The following ZZEF1 variants were observed in gnomAD, a reference collection of about 807,000 sequenced individuals.
ZZEF1 encodes zinc finger ZZ-type and EF-hand domain containing 1.
In ZZEF1, 157 loss-of-function variants were observed where a neutral mutation model predicts 342.8. That is an observed-to-expected ratio of 0.46 (90% CI 0.40 to 0.52). The LOEUF (loss-of-function observed/expected upper bound fraction) is 0.52. Ranked by LOEUF, ZZEF1 falls within the 20% of genes least tolerant of loss-of-function variation. The pLI, the probability that ZZEF1 is intolerant of heterozygous loss-of-function variation, is 0.00. For missense variants in ZZEF1, 3,480 were observed against 3,725.6 expected (o/e 0.93, Z 1.72); for synonymous variants, 1,505 against 1,429.1 (o/e 1.05, Z -1.20).
At chr17:4,069,691 C>T (rs913529092) in intron 26 of ZZEF1, among the ~76,000 whole-genome samples, 3 of 152,004 alleles carry the variant, frequency 2.0e-5, no homozygotes, top group African/African-American at 7.3e-5. Flanking sequence ...ATTAGCCGGG[C>T]GTGTTGATGG....
At chr17:4,024,348 C>T (rs1245042174) in intron 43 of ZZEF1, among the ~76,000 whole-genome samples, 1 of 151,960 alleles carries the variant, frequency 6.6e-6, no homozygotes, top group Non-Finnish European at 1.5e-5. Context: ...CAGGCACGTA[C>T]CACCACACCT....
chr17:4,030,796 T>TAA (rs973311132), intron 42 of ZZEF1, among the ~76,000 whole-genome samples: 3 of 152,186 alleles, frequency 2.0e-5, no homozygotes, highest in African/African-American at 7.2e-5. Flanking sequence ...TTCTAAAACT[T>TAA]ACACAAAAAG....
chr17:4,037,931 C>T (rs192170565), intron 39 of ZZEF1, among the ~76,000 whole-genome samples: 2 of 152,150 alleles, frequency 1.3e-5, no homozygotes, highest in Non-Finnish European at 2.9e-5. Flanking sequence ...TTGGAGCAAA[C>T]TAGTGAAACT....
intron 11 of ZZEF1, among the ~76,000 whole-genome samples, chr17:4,092,091 T>A (rs545555483): frequency 1.1e-4 from 16 of 139,656 alleles, no homozygotes; most frequent in South Asian, 4.6e-4. Context: ...AAAAAAAAAA[T>A]AATAAAAATA....
At chr17:4,136,429 A>C (rs2058750587) in intron 1 of ZZEF1, among the ~76,000 whole-genome samples, 1 of 152,040 alleles carries the variant, frequency 6.6e-6, no homozygotes, top group South Asian at 2.1e-4. Context: ...GCCAATTACA[A>C]CACTTATTGA....
At chr17:4,010,950 G>A (rs1210058091) in intron 52 of ZZEF1, among the ~76,000 whole-genome samples, 2 of 151,896 alleles carry the variant, frequency 1.3e-5, no homozygotes, top group Admixed American at 6.6e-5. Context: ...TAAGACAAGC[G>A]TGGTGGCTCA....
chr17:4,039,846 G>A lies in ZZEF1; in HGVS notation c.6306+2583C>T, dbSNP rs995619347. 4.0e-5 allele frequency among the ~76,000 whole-genome samples: 6 copies of A among 151,876 alleles called. No homozygotes were observed. In the South Asian group the frequency reaches 6.2e-4, roughly 16 times the overall value. On this transcript the variant is annotated intron_variant, in intron 39 of 54. Coordinates refer to ENST00000381638, the MANE Select transcript of ZZEF1 (RefSeq NM_015113.4). ...TTTTTAGTTGAGATGGGGTTTCACT[G>A]TGTTAGCCAGGATGGTCTCGATCTC...
chr17:4,018,423 TCTC>T (rs897134588), intron 46 of ZZEF1, among the ~76,000 whole-genome samples: 3 of 151,752 alleles, frequency 2.0e-5, no homozygotes, highest in African/African-American at 7.3e-5. Context: ...ACTCCCCTTC[TCTC>T]CTTTTTTTTT....
At position 4,034,032 on chromosome 17, in the gene ZZEF1, T is replaced by A; in HGVS notation, c.6567A>T (p.Gly2189=). ...AAGGCTACCTGTCCAGACACACAGC[T>A]CCCAGGCTAAAGAGCAGGTGGGTGG... is the stretch of plus-strand genomic sequence containing the variant. ...WKTTHLLFSL[G]AVCLDSRVGL... The change falls in exon 40 of 55, where the codon GGA becomes GGT. Residue 2189 remains glycine (G), a synonymous_variant. Coordinates refer to ENST00000381638, the MANE Select transcript of ZZEF1 (RefSeq NM_015113.4). The A allele has an allele frequency of 6.2e-7, 1 of 1,614,058 alleles. No homozygotes were observed. Among genetic ancestry groups the A allele is most frequent in the Non-Finnish European group, 8.5e-7 (1 of 1,180,018 alleles).
chr17:4,078,126 T>G (rs1347405012), intron 18 of ZZEF1, 84 bp from the exon 19 acceptor site: 5 of 1,403,810 alleles, frequency 3.6e-6, no homozygotes, highest in Non-Finnish European at 4.8e-6. Flanking sequence ...AAGCAGCAGC[T>G]GTCACCAGCA....
At chr17:4,066,845 GA>G (rs1317525532) in intron 27 of ZZEF1, among the ~76,000 whole-genome samples, 3 of 62,778 alleles carry the variant, frequency 4.8e-5, no homozygotes, top group African/African-American at 4.4e-4. Flanking sequence ...TTTCAGAGGG[GA>G]CATCTCTACG....
Position 4,014,629 on chromosome 17 carries a change from A to T in ZZEF1, c.8146-114T>A, listed in dbSNP as rs778610461. 3.4e-4 allele frequency: 375 copies of T among 1,110,860 alleles called. No individual in the cohort carries two copies. Among genetic ancestry groups the T allele is most frequent in the Non-Finnish European group, 4.7e-4 (355 of 748,348 alleles). 68.8% of individuals were successfully genotyped at this position (1,110,860 alleles called of 1,614,324 possible). On this transcript the variant is annotated intron_variant, in intron 49 of 54. Coordinates refer to ENST00000381638, the MANE Select transcript of ZZEF1 (RefSeq NM_015113.4). The surrounding 1 kb of genome is among the most constrained non-coding windows in gnomAD (Gnocchi z 4.4). ...CCGGGTGTGTGAGAATGAGTGAACC[A>T]CAGCCCTGGCCTCCAGGAGTGCAGA...
intron 26 of ZZEF1, among the ~76,000 whole-genome samples, chr17:4,067,638 A>G (rs2057426299): frequency 6.6e-6 from 1 of 152,218 alleles, no homozygotes; most frequent in Admixed American, 6.5e-5. Flanking sequence ...AAATAAAATG[A>G]TCTTATTTAA....
Position 4,088,878 on chromosome 17 carries a change from A to G in ZZEF1, c.2041T>C (p.Phe681Leu). ...GCTGACTCCTGACGGGTGCAGAGGA[A>G]CTTCACCATCAAATACTGGACAGGA... ...CRVAKYLMVK[F>L]LCTRQESAER... Residue 681 changes from phenylalanine to leucine, a missense_variant, in exon 13 of 55, where the codon TTC becomes CTC. By Grantham distance (22) the Phe-to-Leu change is conservative. Transcript: ENST00000381638. The G allele has an allele frequency of 6.2e-7, 1 of 1,614,100 alleles. No homozygotes were observed. The highest frequency in any genetic ancestry group is 8.5e-7 in the Non-Finnish European group (1 of 1,180,016).
At position 4,008,738 on chromosome 17, in the gene ZZEF1, G is replaced by A; in HGVS notation, c.8805+145C>T. 1 of 1,423,756 alleles carries A rather than the reference G, an allele frequency of 7.0e-7. No individual in the cohort carries two copies. The highest frequency in any genetic ancestry group is 2.7e-5 in the Admixed American group (1 of 36,824). The allele number at this position is 1,423,756 out of a possible 1,614,324, so 88.2% of individuals were successfully genotyped here. The stretch of plus-strand genomic sequence containing the variant: ...CATGCTCTCTGAGCACCAGGAGGAA[G>A]TGACTGAACTGGAACAAGCTCTGTG... On this transcript the variant is annotated intron_variant, in intron 54 of 54. Coordinates refer to ENST00000381638, the MANE Select transcript of ZZEF1 (RefSeq NM_015113.4). This position sits in a 1 kb window ranked among gnomAD's most constrained non-coding sequence, Gnocchi z 4.2.
chr17:4,072,129 C>T (rs1050002746), intron 25 of ZZEF1, among the ~76,000 whole-genome samples: 4 of 151,384 alleles, frequency 2.6e-5, no homozygotes, highest in African/African-American at 7.3e-5. Context: ...TACTGAATAA[C>T]GTGGGGCAGG....
intron 52 of ZZEF1, among the ~76,000 whole-genome samples, chr17:4,012,879 C>T (rs1436105307): frequency 6.6e-6 from 1 of 151,758 alleles, no homozygotes; most frequent in East Asian, 1.9e-4. Context: ...CATTAAATAC[C>T]TAGTAATAAA....
chr17:4,024,196 T>TG (rs1567770252), intron 43 of ZZEF1, among the ~76,000 whole-genome samples: 11 of 123,830 alleles, frequency 8.9e-5, no homozygotes, highest in African/African-American at 3.3e-4. Flanking sequence ...GTTTTTTTTT[T>TG]TTTTTTTTTT....
At chr17:4,011,469 T>G (rs774754025) in intron 52 of ZZEF1, among the ~76,000 whole-genome samples, 1 of 151,498 alleles carries the variant, frequency 6.6e-6, no homozygotes, top group Non-Finnish European at 1.5e-5. Context: ...AAACACAAGA[T>G]GCTTGCAAGG....
Sources: allele counts gnomAD v4.1 joint callset (sites outside exome capture counted in the v4.1 genomes callset), GRCh38; gene constraint gnomAD v4.1.1; non-coding constraint Gnocchi (gnomAD v3.1); transcripts MANE v1.5; gene names NCBI Gene and HGNC (gene_info 2026-07-23, HGNC 2026-07-21).